Variants in MGMT observed in about 807,000 individuals in gnomAD.
MGMT encodes the protein methylated-DNA--protein-cysteine methyltransferase.
Under a neutral mutation model 15.9 loss-of-function variants are expected in MGMT, and 14 were observed. The ratio of observed to expected loss-of-function variants is 0.88; its 90% CI spans 0.58 to 1.37. The LOEUF is 1.37. Ranked by LOEUF, MGMT falls within the 40% of genes most tolerant of loss-of-function variation. The probability of loss-of-function intolerance (pLI) is 0.00; values close to 1 mark genes in which losing one functional copy is unlikely to be tolerated. For missense variants in MGMT, 282 were observed against 268.1 expected, an observed-to-expected ratio of 1.05 and a Z score of -0.36; for synonymous variants, 130 against 118.2, an observed-to-expected ratio of 1.10 and a Z score of -0.65.
At chr10:129,725,747 A>T (rs997845396) in intron 3 of MGMT, among the ~76,000 whole-genome samples, 3 of 152,208 alleles carry the variant, frequency 2.0e-5, no homozygotes, top group African/African-American at 4.8e-5. Flanking sequence ...AGCACAGCTC[A>T]CACATCCACG....
intron 3 of MGMT, among the ~76,000 whole-genome samples, chr10:129,758,169 A>T (rs1266117056): frequency 6.6e-6 from 1 of 152,180 alleles, no homozygotes; most frequent in Non-Finnish European, 1.5e-5. Flanking sequence ...TTAAGAAGTG[A>T]TTTTTATTAT....
chr10:129,629,592 G>A (rs1019693395), intron 2 of MGMT, among the ~76,000 whole-genome samples: 6 of 152,156 alleles, frequency 3.9e-5, no homozygotes, highest in African/African-American at 7.2e-5. Context: ...ATGCCACCTC[G>A]GCACCTTCGC....
chr10:129,740,739 C>A (rs1034882705), intron 3 of MGMT, among the ~76,000 whole-genome samples: 1 of 152,158 alleles, frequency 6.6e-6, no homozygotes, highest in Non-Finnish European at 1.5e-5. Context: ...TGCAGGCCCC[C>A]AGGGCGACCT....
At chr10:129,536,165 A>G in intron 1 of MGMT, 76 bp from the exon 2 acceptor site, 4 of 1,477,252 alleles carry the variant, frequency 2.7e-6, no homozygotes, top group South Asian at 2.5e-5. Flanking sequence ...TTAAATAACC[A>G]GTACTTCTGT....
intron 3 of MGMT, among the ~76,000 whole-genome samples, chr10:129,731,603 C>T (rs1848498959): frequency 6.6e-6 from 1 of 152,054 alleles, no homozygotes; most frequent in Admixed American, 6.6e-5. Flanking sequence ...ACCATTTTGG[C>T]CAGGCTGGTC....
At chr10:129,563,573 A>T (rs1846304787) in intron 2 of MGMT, among the ~76,000 whole-genome samples, 1 of 152,186 alleles carries the variant, frequency 6.6e-6, no homozygotes, top group African/African-American at 2.4e-5. Flanking sequence ...AAATCAAAAG[A>T]CCTGGATGTG....
At chr10:129,700,368 G>A (rs1004398412) in intron 2 of MGMT, 3 of 151,746 alleles carry the variant, frequency 2.0e-5, no homozygotes, top group Non-Finnish European at 4.4e-5. Context: ...TTTGTCAAAC[G>A]TACATGGTCA....
intron 2 of MGMT, among the ~76,000 whole-genome samples, chr10:129,656,174 A>G (rs1847522922): frequency 6.6e-6 from 1 of 152,216 alleles, no homozygotes; most frequent in Admixed American, 6.5e-5. Flanking sequence ...CTATGGCACT[A>G]CAGTTCTATG....
At chr10:129,719,725 T>C (rs1359693702) in intron 3 of MGMT, among the ~76,000 whole-genome samples, 1 of 152,174 alleles carries the variant, frequency 6.6e-6, no homozygotes, top group African/African-American at 2.4e-5. Context: ...CATCTGCTGA[T>C]ACAGTTGAAA....
intron 2 of MGMT, among the ~76,000 whole-genome samples, chr10:129,706,751 G>A (rs1027550394): frequency 2.0e-5 from 3 of 152,142 alleles, no homozygotes; most frequent in African/African-American, 4.8e-5. Context: ...AGGTGGCAGC[G>A]GGAGACCTCC....
At chr10:129,611,301 G>A (rs893860813) in intron 2 of MGMT, among the ~76,000 whole-genome samples, 1 of 152,176 alleles carries the variant, frequency 6.6e-6, no homozygotes, top group Non-Finnish European at 1.5e-5. Context: ...AATCATGGCC[G>A]AAAGCAAAGG....
chr10:129,646,754 A>ATATATATATTTTTTTTTT, intron 2 of MGMT, among the ~76,000 whole-genome samples: 7 of 86,662 alleles, frequency 8.1e-5, no homozygotes, highest in African/African-American at 2.4e-4. Context: ...ATATATATAT[A>ATATATATATTTTTTTTTT]TTTTCAGGGA....
At chr10:129,601,904 G>A (rs1252634501) in intron 2 of MGMT, among the ~76,000 whole-genome samples, 5 of 152,036 alleles carry the variant, frequency 3.3e-5, no homozygotes, top group African/African-American at 9.7e-5. Context: ...TTTTGTCGCC[G>A]TGGTACATTA....
intron 1 of MGMT, among the ~76,000 whole-genome samples, chr10:129,469,559 G>A (rs1403324296): frequency 6.6e-6 from 1 of 152,092 alleles, no homozygotes; most frequent in Non-Finnish European, 1.5e-5. Context: ...CCCTCCAGGG[G>A]ACACATTGAG....
At chr10:129,642,054 A>G (rs4750760) in intron 2 of MGMT, among the ~76,000 whole-genome samples, 47,762 of 152,018 alleles carry the variant, frequency 0.31, 7,742 homozygotes, top group African/African-American at 0.36. Flanking sequence ...AGTACCTTCA[A>G]CAGACACAGA....
chr10:129,473,242 G>A (rs902011135), intron 1 of MGMT, among the ~76,000 whole-genome samples: 1 of 152,230 alleles, frequency 6.6e-6, no homozygotes, highest in Non-Finnish European at 1.5e-5. Context: ...ACGCAGGTCC[G>A]CTGGGTAAAC....
rs553810936 is a variant in MGMT, at chr10:129,769,550, G to C, written c.*2553G>C. 1 of 150,628 alleles carries C rather than the reference G, an allele frequency of 6.6e-6. No individual in the cohort carries two copies. The highest frequency in any genetic ancestry group is 2.1e-4 in the South Asian group (1 of 4,802). The allele number at this position is 150,628 out of a possible 1,614,324, so 9.3% of individuals were successfully genotyped here. A position where few individuals can be genotyped will look rare whatever the true frequency, so the allele number is the denominator to read the frequency against. ...ACCCGCCGTGCACGACAGCCACCTC[G>C]CAGCCACTCAGACCGGCGGACCACG... On this transcript the variant is annotated 3_prime_UTR_variant, in exon 5 of 5. Transcript: ENST00000651593.
At chr10:129,557,152 A>G (rs1358906791) in intron 2 of MGMT, among the ~76,000 whole-genome samples, 2 of 152,172 alleles carry the variant, frequency 1.3e-5, no homozygotes, top group Non-Finnish European at 1.5e-5. Context: ...ATCTTATCCT[A>G]CCAACCATTA....
At chr10:129,638,528 G>A (rs569078546) in intron 2 of MGMT, among the ~76,000 whole-genome samples, 1 of 147,158 alleles carries the variant, frequency 6.8e-6, no homozygotes, top group African/African-American at 2.5e-5. Context: ...TAAAACATTA[G>A]CAAGAACAAA....
Sources: allele counts gnomAD v4.1 joint callset (sites outside exome capture counted in the v4.1 genomes callset), GRCh38; gene constraint gnomAD v4.1.1; transcripts MANE v1.5; gene names NCBI Gene and HGNC (gene_info 2026-07-23, HGNC 2026-07-21).